Variants in TNFAIP8 observed in about 807,000 individuals in gnomAD.
TNFAIP8 encodes the protein TNF alpha induced protein 8, also known as tumor necrosis factor alpha-induced protein 8.
In TNFAIP8, 7 loss-of-function variants were observed where a neutral mutation model predicts 13.3. That is an observed-to-expected ratio of 0.52 (90% CI 0.30 to 0.99). The LOEUF is 0.99. Among genes scored for constraint, TNFAIP8 ranks in the 50% least tolerant of loss-of-function variants. The pLI is 0.07. For synonymous variants in TNFAIP8, 94 were observed against 87.6 expected, an observed-to-expected ratio of 1.07 and a Z score of -0.41; for missense variants, 258 against 236.9, an observed-to-expected ratio of 1.09 and a Z score of -0.58.
intron 1 of TNFAIP8, among the ~76,000 whole-genome samples, chr5:119,327,149 T>C (rs1169965502): frequency 6.6e-6 from 1 of 152,188 alleles, no homozygotes; most frequent in Non-Finnish European, 1.5e-5. Context: ...TGTTGTTTCC[T>C]GGAAATGTCT....
chr5:119,363,264 C>A (rs1198640839), intron 1 of TNFAIP8, among the ~76,000 whole-genome samples: 1 of 152,138 alleles, frequency 6.6e-6, no homozygotes, highest in East Asian at 1.9e-4. Context: ...AAACCAGGAG[C>A]CTGGGTTTGA....
At chr5:119,283,601 G>C (rs1249755454) in intron 1 of TNFAIP8, among the ~76,000 whole-genome samples, 1 of 152,238 alleles carries the variant, frequency 6.6e-6, no homozygotes, top group Non-Finnish European at 1.5e-5. Flanking sequence ...TGCTGTAAGA[G>C]AGTCGGTGAT....
chr5:119,350,054 T>G (rs935001403), intron 1 of TNFAIP8, among the ~76,000 whole-genome samples: 2 of 152,188 alleles, frequency 1.3e-5, no homozygotes, highest in Admixed American at 1.3e-4. Flanking sequence ...ATCTGTAAAA[T>G]GAGTATGATG....
chr5:119,344,998 C>T (rs938470024), intron 1 of TNFAIP8, among the ~76,000 whole-genome samples: 3 of 152,172 alleles, frequency 2.0e-5, no homozygotes, highest in African/African-American at 7.2e-5. Context: ...ATGTTCTTGG[C>T]TCATGCACCC....
At chr5:119,372,989 A>G (rs1313837595) in intron 1 of TNFAIP8, among the ~76,000 whole-genome samples, 1 of 152,198 alleles carries the variant, frequency 6.6e-6, no homozygotes, top group Non-Finnish European at 1.5e-5. Flanking sequence ...TAATAAAGTT[A>G]TGTTAGTTAA....
At chr5:119,360,396 A>G (rs138487233) in intron 1 of TNFAIP8, among the ~76,000 whole-genome samples, 4 of 152,340 alleles carry the variant, frequency 2.6e-5, no homozygotes, top group Non-Finnish European at 5.9e-5. Flanking sequence ...ACCTGTCTTC[A>G]TTTAGAGAAG....
At chr5:119,361,735 C>A (rs1305118419) in intron 1 of TNFAIP8, among the ~76,000 whole-genome samples, 1 of 152,212 alleles carries the variant, frequency 6.6e-6, no homozygotes, top group Non-Finnish European at 1.5e-5. Context: ...GGTGCCAGCT[C>A]ACCTGGCTTC....
intron 1 of TNFAIP8, among the ~76,000 whole-genome samples, chr5:119,319,016 T>A (rs72786132): frequency 0.23 from 35,369 of 152,134 alleles, 5,358 homozygotes; most frequent in Non-Finnish European, 0.33. Context: ...TGTTTCTTCA[T>A]TGAATATTAG....
exon 1 of TNFAIP8, chr5:119,268,839 A>G: frequency 2.8e-6 from 2 of 702,910 alleles, no homozygotes; most frequent in East Asian, 5.4e-5. Context: ...GAGAGAGCAG[A>G]GAACTCGGCG....
intron 1 of TNFAIP8, among the ~76,000 whole-genome samples, chr5:119,375,753 G>A (rs990737751): frequency 8.6e-5 from 13 of 152,028 alleles, no homozygotes; most frequent in African/African-American, 2.9e-4. Context: ...TAAGTTTGCC[G>A]ATTTCAATAG....
chr5:119,395,370 C>T lies in TNFAIP8; in HGVS notation c.*1989C>T, dbSNP rs1753048921. The T allele has an allele frequency of 6.6e-6, 1 of 152,274 alleles. No individual in the cohort carries two copies. The allele number at this position is 152,274 out of a possible 1,614,324, so 9.4% of individuals were successfully genotyped here. On this transcript the variant is annotated 3_prime_UTR_variant, in exon 2 of 2. Transcript: ENST00000504771. ...TGGATGTGTTCTGTTCTCCAGATCTCAAACAGCAGAGGTATGGGAAACGAA... is the reference window on the plus strand; with the variant it reads ...TGGATGTGTTCTGTTCTCCAGATCTTAAACAGCAGAGGTATGGGAAACGAA...
intron 1 of TNFAIP8, among the ~76,000 whole-genome samples, chr5:119,307,836 T>G (rs575568570): frequency 4.8e-4 from 73 of 152,356 alleles, no homozygotes; most frequent in Middle Eastern, 3.4e-3. Context: ...GAGAATGTAG[T>G]TTTAATTGTT....
intron 1 of TNFAIP8, among the ~76,000 whole-genome samples, chr5:119,314,751 A>C (rs972240322): frequency 5.9e-5 from 9 of 152,252 alleles, no homozygotes; most frequent in Admixed American, 2.6e-4. Context: ...AAGACTGCAT[A>C]AGCCTCAATT....
upstream of TNFAIP8, chr5:119,354,857 GGAAACGAA>G (rs2112768709): frequency 6.3e-6 from 1 of 158,148 alleles, no homozygotes; most frequent in African/African-American, 2.4e-5. Flanking sequence ...ATATAAAATC[GGAAACGAA>G]GAAAAAGAAA....
At chr5:119,335,977 A>G (rs1311036470) in intron 1 of TNFAIP8, among the ~76,000 whole-genome samples, 2 of 152,026 alleles carry the variant, frequency 1.3e-5, no homozygotes, top group African/African-American at 4.8e-5. Flanking sequence ...AAGTGTGAGG[A>G]AGCCAGATGT....
chr5:119,387,879 T>C (rs1028334842), intron 1 of TNFAIP8, among the ~76,000 whole-genome samples: 1 of 150,190 alleles, frequency 6.7e-6, no homozygotes, highest in African/African-American at 2.5e-5. Flanking sequence ...ATGCTTTGTA[T>C]TTTTTTTTAA....
chr5:119,268,809 G>T, exon 1 of TNFAIP8: 1 of 697,688 alleles, frequency 1.4e-6, no homozygotes, highest in Non-Finnish European at 2.6e-6. Context: ...GCTAAGGTCC[G>T]CGGGAACCCG....
intron 1 of TNFAIP8, among the ~76,000 whole-genome samples, chr5:119,279,597 G>A (rs577784363): frequency 3.2e-4 from 49 of 152,108 alleles, no homozygotes; most frequent in Admixed American, 1.9e-3. Flanking sequence ...TAGAGATAGG[G>A]TCTTGCTCTG....
chr5:119,301,161 A>G (rs1230431725), intron 1 of TNFAIP8, among the ~76,000 whole-genome samples: 2 of 152,188 alleles, frequency 1.3e-5, no homozygotes, highest in East Asian at 1.9e-4. Flanking sequence ...CCTCAATGAA[A>G]TGGCCTTACG....
Sources: allele counts gnomAD v4.1 joint callset (sites outside exome capture counted in the v4.1 genomes callset), GRCh38; gene constraint gnomAD v4.1.1; transcripts MANE v1.5; gene names NCBI Gene and HGNC (gene_info 2026-07-23, HGNC 2026-07-21).